Variants in OTOG observed in about 807,000 individuals in gnomAD.
OTOG encodes the protein otogelin.
OTOG carries 296 observed loss-of-function variants against 313.8 expected under a neutral mutation model. The observed-to-expected ratio is 0.94, with a 90% CI of 0.86 to 1.04. The LOEUF is 1.04. OTOG is among the 50% of genes least tolerant of loss of function. The probability of loss-of-function intolerance (pLI) is 0.00; values close to 1 mark genes in which losing one functional copy is unlikely to be tolerated. For missense variants in OTOG, 3,948 were observed against 3,840.1 expected (o/e 1.03, Z -0.74); for synonymous variants, 1,533 against 1,554.9 (o/e 0.99, Z 0.33).
Position 17,644,364 on chromosome 11 carries a change from G to A in OTOG, c.8461+858G>A, listed in dbSNP as rs185294774. 2.8e-4 allele frequency among the ~76,000 whole-genome samples: 43 copies of A among 152,390 alleles called. No homozygotes were observed. The East Asian group carries it at 3.7e-3, about 13-fold the overall frequency. On this transcript the variant is annotated intron_variant, in intron 54 of 55. Coordinates refer to ENST00000399397, the MANE Select transcript of OTOG (RefSeq NM_001292063.2). ...GCTATGGCCAGAAGCCATCTAGCTG[G>A]TGCAGTAGGAAACCTCTGTGGTGAG...
intron 4 of OTOG, 27 bp downstream of exon 4, chr11:17,552,102 T>G (rs1270489616): frequency 1.9e-5 from 29 of 1,547,764 alleles, no homozygotes; most frequent in Non-Finnish European, 2.4e-5. Flanking sequence ...CTGTGGTCCA[T>G]GGGTTGTGCA....
intron 39 of OTOG, among the ~76,000 whole-genome samples, chr11:17,620,098 C>A (rs991052375): frequency 6.6e-6 from 1 of 152,138 alleles, no homozygotes; most frequent in African/African-American, 2.4e-5. Context: ...GAGAAATTGA[C>A]AAAACATAAA....
intron 39 of OTOG, among the ~76,000 whole-genome samples, chr11:17,623,983 T>C (rs545963143): frequency 1.3e-5 from 2 of 152,340 alleles, no homozygotes; most frequent in East Asian, 3.9e-4. Context: ...TGCCCAGTTT[T>C]TAATGGGGTA....
At chr11:17,645,502 A>G in intron 54 of OTOG, 62 bp from the exon 55 acceptor site, 3 of 1,506,062 alleles carry the variant, frequency 2.0e-6, no homozygotes, top group Non-Finnish European at 2.7e-6. Flanking sequence ...GGGCTGGCCC[A>G]TCCTGCTGCC....
rs773868953 is a variant in OTOG, at chr11:17,640,938, C to T, written c.8037C>T (p.Arg2679=). The T allele has an allele frequency of 3.1e-5, 48 of 1,548,128 alleles. No homozygotes were observed. The highest frequency in any genetic ancestry group is 9.5e-5 in the South Asian group (8 of 84,052). ...TGAAGGCCCCGGTGTGTCTGAGCCG[C>T]GAGCTGGGTGTGATGCAGCCCGGCC... ...ECVKAPVCLS[R]ELGVMQPGQT... is the part of the protein sequence containing the mutation. The change falls in exon 51 of 56, where the codon CGC becomes CGT. Residue 2679 remains arginine, a synonymous_variant. Transcript: ENST00000399397.
chr11:17,576,943 G>T (rs756899071), intron 22 of OTOG, 32 bp downstream of exon 22: 61 of 1,542,576 alleles, frequency 4.0e-5, no homozygotes, highest in Admixed American at 1.8e-4. Flanking sequence ...GAGCCCTTCT[G>T]GGGGCTCCAC....
At chr11:17,571,946 T>G (rs963271289) in intron 17 of OTOG, 134 bp from the exon 18 acceptor site, 2 of 1,174,564 alleles carry the variant, frequency 1.7e-6, no homozygotes, top group East Asian at 5.3e-5. Flanking sequence ...CTCCTCTGAG[T>G]GTGTGTATAT....
chr11:17,588,457 A>G (rs916263933), intron 24 of OTOG, among the ~76,000 whole-genome samples: 7 of 152,160 alleles, frequency 4.6e-5, no homozygotes, highest in African/African-American at 7.2e-5. Context: ...GGTCAGGCAC[A>G]GTGGGAGTAT....
At chr11:17,596,571 G>T (rs1853114434) in intron 29 of OTOG, among the ~76,000 whole-genome samples, 1 of 152,212 alleles carries the variant, frequency 6.6e-6, no homozygotes, top group African/African-American at 2.4e-5. Flanking sequence ...CTCTGGCCCT[G>T]GCTAGGCAGT....
Position 17,561,161 on chromosome 11 carries a change from C to T in OTOG, c.1498+24C>T. 3.9e-6 allele frequency: 6 copies of T among 1,550,392 alleles called. No individual in the cohort carries two copies. In the South Asian group the frequency reaches 7.1e-5, roughly 18 times the overall value. The stretch of plus-strand genomic sequence containing the variant: ...AGGTATGTCTGCCCCCCACCTTGCA[C>T]TAGGATCCCTTCTACCAGTCTGATA... On this transcript the variant is annotated intron_variant, in intron 14 of 55. Coordinates refer to ENST00000399397, the MANE Select transcript of OTOG (RefSeq NM_001292063.2).
intron 3 of OTOG, among the ~76,000 whole-genome samples, chr11:17,550,896 T>A (rs1851917242): frequency 6.6e-6 from 1 of 152,188 alleles, no homozygotes; most frequent in African/African-American, 2.4e-5. Flanking sequence ...ATGAAAGGTG[T>A]GAGCGTAAGG....
At chr11:17,584,780 C>A (rs1203862552) in intron 23 of OTOG, among the ~76,000 whole-genome samples, 1 of 152,224 alleles carries the variant, frequency 6.6e-6, no homozygotes, top group East Asian at 1.9e-4. Context: ...CCCACCTTGG[C>A]CTTCCAAAGT....
chr11:17,618,148 G>A (rs538092570), intron 39 of OTOG, among the ~76,000 whole-genome samples: 3 of 152,180 alleles, frequency 2.0e-5, no homozygotes, highest in South Asian at 2.1e-4. Context: ...TGATCCACCC[G>A]CCTTGGCCTC....
chr11:17,570,079 CGCAGGCAG>C, intron 16 of OTOG, 126 bp from the exon 17 acceptor site: 6 of 760,910 alleles, frequency 7.9e-6, no homozygotes, highest in South Asian at 1.8e-5. Context: ...ATGGCAGGCA[CGCAGGCAG>C]GCAGGCAGGC....
Position 17,572,076 on chromosome 11 carries a change from G to A in OTOG, c.1956-4G>A, listed in dbSNP as rs1027852802. The A allele has an allele frequency of 1.3e-5, 20 of 1,550,312 alleles. No individual in the cohort carries two copies. Among genetic ancestry groups the A allele is most frequent in the Admixed American group, 2.0e-5 (1 of 50,980 alleles). On this transcript the variant is annotated splice_region_variant and splice_polypyrimidine_tract_variant and intron_variant, in intron 17 of 55. Transcript: ENST00000399397. The stretch of plus-strand genomic sequence containing the variant: ...GTGTGAATATGGCTGTGACATGGCT[G>A]CAGGTCTCCAGTGGGTGTACCTGAG...
chr11:17,640,606 G>T, intron 49 of OTOG, 139 bp from the exon 50 acceptor site: 1 of 787,258 alleles, frequency 1.3e-6, no homozygotes, highest in Non-Finnish European at 2.0e-6. Context: ...CCAGGCTGCT[G>T]AGGGGCCCCA....
Position 17,635,701 on chromosome 11 carries a change from G to A in OTOG, c.7785G>A (p.Leu2595=). Residue 2595 remains leucine (L), a synonymous_variant, in exon 47 of 56, where the codon CTG becomes CTA. Transcript: ENST00000399397. Reference sequence around the variant, plus strand: ...ATACCACGGAACTCTGCTGCCCTCTGTACCAGTGTGGTGAGTCCTGGCTGG... The same window carrying A: ...ATACCACGGAACTCTGCTGCCCTCTATACCAGTGTGGTGAGTCCTGGCTGG... ...HRNTTELCCP[L]YQCVCENFRC... 1 of 1,550,460 alleles carries A rather than the reference G, an allele frequency of 6.4e-7. No individual in the cohort carries two copies. Among genetic ancestry groups the A allele is most frequent in the South Asian group, 1.2e-5 (1 of 84,066 alleles).
intron 3 of OTOG, 31 bp from the exon 4 acceptor site, chr11:17,551,969 C>G: frequency 1.3e-6 from 2 of 1,545,740 alleles, no homozygotes; most frequent in South Asian, 2.4e-5. Context: ...GGTCAGCCCT[C>G]GATGTGTTCT....
chr11:17,613,493 C>A (rs1214102826), intron 38 of OTOG, 119 bp from the exon 39 acceptor site: 2 of 822,956 alleles, frequency 2.4e-6, no homozygotes, highest in South Asian at 1.6e-5. Flanking sequence ...TGATGGGAGC[C>A]CCTGGCATAG....
Sources: gnomAD v4.1 joint callset for allele counts (sites outside exome capture counted in the v4.1 genomes callset) on GRCh38, gnomAD v4.1.1 for gene constraint, MANE v1.5 for transcripts, NCBI Gene and HGNC (gene_info 2026-07-23, HGNC 2026-07-21) for gene names.